Variants in LTBP1 observed in about 807,000 individuals in gnomAD.
The protein encoded by LTBP1 is latent-transforming growth factor beta-binding protein 1.
In LTBP1, 129 loss-of-function variants were observed where a neutral mutation model predicts 207.6. The observed-to-expected ratio is 0.62, with a 90% confidence interval of 0.54 to 0.72. The LOEUF is 0.72. Among genes scored for constraint, LTBP1 ranks in the 30% least tolerant of loss-of-function variants. The pLI is 0.00. For missense variants in LTBP1, 2,281 were observed against 2,217.2 expected, an observed-to-expected ratio of 1.03 and a Z score of -0.58; for synonymous variants, 963 against 833.7, an observed-to-expected ratio of 1.16 and a Z score of -2.67.
At chr2:33,108,650 C>A (rs1176367608) in intron 3 of LTBP1, among the ~76,000 whole-genome samples, 2 of 152,132 alleles carry the variant, frequency 1.3e-5, no homozygotes, top group Non-Finnish European at 1.5e-5. Flanking sequence ...AGCCCAAGGT[C>A]TCCTGGAAAA....
chr2:33,323,531 C>T (rs2094385712), intron 24 of LTBP1, among the ~76,000 whole-genome samples: 1 of 151,988 alleles, frequency 6.6e-6, no homozygotes, highest in African/African-American at 2.4e-5. Flanking sequence ...CAGCTACTTG[C>T]GAGGCTGAGG....
In LTBP1 at chr2:33,300,592, G is replaced by C; in HGVS notation, c.3358+19G>C. On this transcript the variant is annotated intron_variant, in intron 21 of 33. Coordinates refer to ENST00000404816, the MANE Select transcript of LTBP1 (RefSeq NM_206943.4). Reference sequence around the variant, plus strand: ...TGTGAAGGTAAGAGGGTAGTAACATGAACTACTGAAACTTCAGCTTAAAGC... The same window carrying C: ...TGTGAAGGTAAGAGGGTAGTAACATCAACTACTGAAACTTCAGCTTAAAGC... 1 of 1,605,842 alleles carries C rather than the reference G, an allele frequency of 6.2e-7. No homozygotes were observed. Among genetic ancestry groups the C allele is most frequent in the Non-Finnish European group, 8.5e-7 (1 of 1,174,784 alleles).
intron 20 of LTBP1, among the ~76,000 whole-genome samples, 196 bp downstream of exon 20, chr2:33,293,478 G>A (rs1229593522): frequency 6.6e-6 from 1 of 152,124 alleles, no homozygotes; most frequent in African/African-American, 2.4e-5. Context: ...TACATAAAGG[G>A]AAACGATGTA....
At chr2:33,289,947 G>A (rs2093741416) in intron 19 of LTBP1, among the ~76,000 whole-genome samples, 2 of 152,104 alleles carry the variant, frequency 1.3e-5, no homozygotes, top group South Asian at 2.1e-4. Flanking sequence ...TGCTGTAACG[G>A]AACACCTTGA....
intron 3 of LTBP1, among the ~76,000 whole-genome samples, chr2:33,061,675 A>G (rs966124350): frequency 9.8e-5 from 15 of 152,308 alleles, no homozygotes; most frequent in Admixed American, 9.2e-4. Context: ...ATTCCATTGT[A>G]TAAATATATG....
At chr2:33,117,419 G>C (rs1218652558) in intron 4 of LTBP1, among the ~76,000 whole-genome samples, 1 of 152,154 alleles carries the variant, frequency 6.6e-6, no homozygotes, top group African/African-American at 2.4e-5. Context: ...TCACATGTCT[G>C]GAGCGAAGAG....
At chr2:33,372,057 A>G (rs546755080) in intron 31 of LTBP1, among the ~76,000 whole-genome samples, 10 of 152,322 alleles carry the variant, frequency 6.6e-5, no homozygotes, top group African/African-American at 2.2e-4. Context: ...TAAGGCATCC[A>G]CTGGGGGTCT....
intron 7 of LTBP1, among the ~76,000 whole-genome samples, chr2:33,193,090 T>C (rs2088102362): frequency 6.6e-6 from 1 of 152,158 alleles, no homozygotes; most frequent in African/African-American, 2.4e-5. Context: ...ATTACTAGTT[T>C]TCTTATGTGT....
intron 11 of LTBP1, among the ~76,000 whole-genome samples, chr2:33,254,321 A>T (rs1191097480): frequency 6.6e-6 from 1 of 151,822 alleles, no homozygotes; most frequent in Non-Finnish European, 1.5e-5. Flanking sequence ...TAAATTTTTT[A>T]AATGTTTAGC....
rs2092111564 is a variant in LTBP1 at position 33,237,640 on chromosome 2, T to C, written c.1877-6022T>C. Among the ~76,000 whole-genome samples, 3 of 152,236 alleles carry C rather than the reference T, an allele frequency of 2.0e-5. No homozygotes were observed. The South Asian group carries it at 6.2e-4, about 31-fold the overall frequency. On this transcript the variant is annotated intron_variant, in intron 9 of 33. Coordinates refer to ENST00000404816, the MANE Select transcript of LTBP1 (RefSeq NM_206943.4). ...AAACAGTCTCTGCCATTTAACCTAA[T>C]TGGTAAAGCCAGATCTTCTTATGAA...
rs1467267829 is a variant in LTBP1, at chr2:33,134,356, A to G, written c.1034-437A>G. On this transcript the variant is annotated intron_variant, in intron 4 of 33. Transcript: ENST00000404816. This position sits in a 1 kb window ranked among gnomAD's most constrained non-coding sequence, Gnocchi z 4.4. ...ACTTAATAAGTGGAGAAACAGGGAA[A>G]GTATGCAAGTTGAGGACACAAGAGT... is the stretch of plus-strand genomic sequence containing the variant. 8.7e-6 allele frequency: 4 copies of G among 462,424 alleles called. No individual in the cohort carries two copies. The highest frequency in any genetic ancestry group is 6.9e-5 in the East Asian group (1 of 14,440). The allele number at this position is 462,424 out of a possible 1,614,324, so 28.6% of individuals were successfully genotyped here. A position where few individuals can be genotyped will look rare whatever the true frequency, so the allele number is the denominator to read the frequency against.
rs954747437 is a variant in LTBP1 at position 33,315,163 on chromosome 2, T to C, written c.3624T>C (p.His1208=). The change falls in exon 24 of 34, where the codon CAT becomes CAC. Residue 1208 remains histidine (H), a synonymous_variant. Transcript: ENST00000404816. ...TTACAGATATTAATGAATGTGAACA[T>C]CCAGGGCTCTGTGGTCCGCAAGGGG... ...KTCQDINECE[H]PGLCGPQGEC... 2.5e-6 allele frequency: 4 copies of C among 1,604,824 alleles called. No homozygotes were observed. In the South Asian group the frequency reaches 3.4e-5, roughly 14 times the overall value.
chr2:33,233,076 A>T (rs1169923409), intron 9 of LTBP1, among the ~76,000 whole-genome samples: 2 of 152,134 alleles, frequency 1.3e-5, no homozygotes, highest in African/African-American at 4.8e-5. Flanking sequence ...GTCACTCTGA[A>T]AACTCATGTC....
At chr2:33,303,006 C>T (rs1391767764) in intron 22 of LTBP1, among the ~76,000 whole-genome samples, 2 of 151,874 alleles carry the variant, frequency 1.3e-5, no homozygotes, top group East Asian at 1.9e-4. Context: ...AACACACGCA[C>T]ACACACCCCT....
At chr2:33,183,176 T>C (rs566675423) in intron 5 of LTBP1, among the ~76,000 whole-genome samples, 12 of 152,366 alleles carry the variant, frequency 7.9e-5, no homozygotes, top group African/African-American at 2.9e-4. Flanking sequence ...GTTAATTCCT[T>C]TGGGAATCTT....
intron 24 of LTBP1, among the ~76,000 whole-genome samples, chr2:33,331,513 G>A (rs1409386810): frequency 6.6e-6 from 1 of 151,956 alleles, no homozygotes; most frequent in African/African-American, 2.4e-5. Context: ...AGATGTTTGG[G>A]TATTTTCTGG....
chr2:33,138,092 T>G (rs999830431), intron 5 of LTBP1, among the ~76,000 whole-genome samples: 4 of 152,162 alleles, frequency 2.6e-5, no homozygotes, highest in Non-Finnish European at 5.9e-5. Flanking sequence ...ATGTGGAGGT[T>G]GTTCTTTTAC....
In LTBP1 at chr2:32,977,333, C is replaced by T. The variant is rs377113902; in HGVS notation, c.565+28388C>T. On this transcript the variant is annotated intron_variant, in intron 2 of 33. Transcript: ENST00000404816. ...GACTGGGAGAGTGGAGTCACCTTCC[C>T]TGCCGTCTGGGTGTTTCCCAGTACA... Among the ~76,000 whole-genome samples the T allele has an allele frequency of 2.5e-4, 38 of 152,354 alleles. 2 individuals carry two copies. The South Asian group carries it at 7.2e-3, about 29-fold the overall frequency.
At chr2:32,964,738 T>C (rs548140317) in intron 2 of LTBP1, among the ~76,000 whole-genome samples, 20 of 152,234 alleles carry the variant, frequency 1.3e-4, no homozygotes, top group African/African-American at 4.6e-4. Context: ...TTAAAAAAAA[T>C]TTATGTCAAA....
Sources: gnomAD v4.1 joint callset for allele counts (sites outside exome capture counted in the v4.1 genomes callset) on GRCh38, gnomAD v4.1.1 for gene constraint, Gnocchi (gnomAD v3.1) non-coding constraint, MANE v1.5 for transcripts, NCBI Gene and HGNC (gene_info 2026-07-23, HGNC 2026-07-21) for gene names.